SCAI: variants seen among roughly 807,000 people sequenced by gnomAD.
The protein encoded by SCAI is suppressor of cancer cell invasion.
A neutral mutation model predicts 92.2 loss-of-function variants in SCAI; 24 were observed. That is an observed-to-expected ratio of 0.26 (90% confidence interval 0.19 to 0.37). SCAI has a LOEUF of 0.37. Among genes scored for constraint, SCAI ranks in the 10% least tolerant of loss-of-function variants. SCAI has a pLI of 1.00. For synonymous variants in SCAI, 261 were observed against 258.6 expected (o/e 1.01, Z -0.09); for missense variants, 450 against 736.2 (o/e 0.61, Z 4.50).
chr9:125,116,503 A>C (rs1835049725), intron 2 of SCAI, among the ~76,000 whole-genome samples: 1 of 152,154 alleles, frequency 6.6e-6, no homozygotes, highest in Non-Finnish European at 1.5e-5. Context: ...TATAGGATAG[A>C]CTATAACATG....
At chr9:124,993,610 T>C (rs1832179659) in intron 14 of SCAI, among the ~76,000 whole-genome samples, 1 of 151,834 alleles carries the variant, frequency 6.6e-6, no homozygotes, top group African/African-American at 2.4e-5. Context: ...GAAAAGAAAG[T>C]ACACTGCTAA....
At chr9:125,086,330 C>A (rs918287644) in intron 2 of SCAI, among the ~76,000 whole-genome samples, 1 of 152,132 alleles carries the variant, frequency 6.6e-6, no homozygotes, top group African/African-American at 2.4e-5. Flanking sequence ...CTATGGCTGC[C>A]ACTGTTCCAG....
At position 125,018,877 on chromosome 9, in the gene SCAI, G is replaced by C. The variant is rs1832814691; in HGVS notation, c.783C>G (p.Ala261=). Residue 261 remains alanine, a synonymous_variant, in exon 9 of 18, where the codon GCC becomes GCG. Transcript: ENST00000336505. The stretch of plus-strand genomic sequence containing the variant: ...CAATCATGCCCTGTTCCAGCAATGG[G>C]GCTCCTGTTTCAGCAAGGCGATTCG... ...ITSNRLAETG[A]PLLEQGMIVG... is the part of the protein sequence containing the mutation. 1 of 1,613,688 alleles carries C rather than the reference G, an allele frequency of 6.2e-7. No homozygotes were observed. Among genetic ancestry groups the C allele is most frequent in the African/African-American group, 1.3e-5 (1 of 74,854 alleles).
chr9:125,087,064 A>T (rs1197366552), intron 2 of SCAI, among the ~76,000 whole-genome samples: 2 of 152,182 alleles, frequency 1.3e-5, no homozygotes, highest in Admixed American at 6.5e-5. Context: ...GCAAACTAGG[A>T]CATATGGTCA....
chr9:125,056,178 C>CA (rs1833660576), intron 2 of SCAI, among the ~76,000 whole-genome samples, 171 bp from the exon 3 acceptor site: 1 of 152,116 alleles, frequency 6.6e-6, no homozygotes. Context: ...GAAAACAGAT[C>CA]ATCTCAGTCG....
intron 2 of SCAI, among the ~76,000 whole-genome samples, chr9:125,068,687 A>T (rs546917213): frequency 1.3e-5 from 2 of 152,286 alleles, no homozygotes; most frequent in African/African-American, 4.8e-5. Context: ...TTATAAAAAA[A>T]TTAAAAATAA....
chr9:125,091,410 CTTTTTTGCTT>C lies in SCAI; in HGVS notation c.99-35413_99-35404del, dbSNP rs145322773. 0.023 allele frequency among the ~76,000 whole-genome samples: 3,521 copies of C among 152,230 alleles called. 139 individuals are homozygous for C. The highest frequency in any genetic ancestry group is 0.081 in the African/African-American group (3,369 of 41,546). On this transcript the variant is annotated intron_variant, in intron 2 of 17. Transcript: ENST00000336505. This position sits in a 1 kb window ranked among gnomAD's most constrained non-coding sequence, Gnocchi z 4.3. ...AACCTTTCCTGGAACAATGCCGTTT[CTTTTTTGCTT>C]TTTTAATGACCTGTCATTCACTAAG...
chr9:124,964,002 T>C (rs1415337636), intron 17 of SCAI, among the ~76,000 whole-genome samples: 1 of 151,988 alleles, frequency 6.6e-6, no homozygotes, highest in Non-Finnish European at 1.5e-5. Context: ...TTTATGCAAA[T>C]ATGTCATAAT....
At chr9:125,004,113 T>A (rs979153014) in intron 9 of SCAI, among the ~76,000 whole-genome samples, 1 of 151,236 alleles carries the variant, frequency 6.6e-6, no homozygotes, top group Non-Finnish European at 1.5e-5. Context: ...GAGGCGGAGG[T>A]TGCAATGAAC....
chr9:125,115,976 C>T (rs1207821060), intron 2 of SCAI, among the ~76,000 whole-genome samples: 1 of 152,164 alleles, frequency 6.6e-6, no homozygotes, highest in East Asian at 1.9e-4. Context: ...GGGCGGATAA[C>T]CTGAGGTCAG....
chr9:125,109,187 C>T (rs1834881633), intron 2 of SCAI, among the ~76,000 whole-genome samples: 1 of 152,084 alleles, frequency 6.6e-6, no homozygotes, highest in East Asian at 1.9e-4. Flanking sequence ...ATCACCACTC[C>T]CTAATCTCAA....
chr9:125,136,017 T>C (rs1289536550), intron 2 of SCAI, among the ~76,000 whole-genome samples: 1 of 151,250 alleles, frequency 6.6e-6, no homozygotes, highest in Middle Eastern at 3.2e-3. Flanking sequence ...GTCAACTGTT[T>C]TCTAAAATGT....
At chr9:124,982,200 C>T (rs141950676) in intron 14 of SCAI, among the ~76,000 whole-genome samples, 86 of 152,222 alleles carry the variant, frequency 5.6e-4, no homozygotes, top group African/African-American at 1.8e-3. Context: ...TCTGCAATCA[C>T]GACAATCCTG....
intron 2 of SCAI, among the ~76,000 whole-genome samples, chr9:125,064,674 C>T (rs1054667601): frequency 6.6e-5 from 10 of 151,966 alleles, no homozygotes; most frequent in African/African-American, 1.7e-4. Context: ...AGTGAAATCC[C>T]GTCTCTACTA....
intron 14 of SCAI, among the ~76,000 whole-genome samples, chr9:124,982,963 G>C (rs1444534372): frequency 6.6e-6 from 1 of 151,956 alleles, no homozygotes; most frequent in Non-Finnish European, 1.5e-5. Flanking sequence ...GATCAGCCTG[G>C]AGAACATAGC....
chr9:125,069,137 T>G (rs1286833621), intron 2 of SCAI, among the ~76,000 whole-genome samples: 3 of 151,664 alleles, frequency 2.0e-5, no homozygotes, highest in Non-Finnish European at 4.4e-5. Flanking sequence ...AGAATCACTT[T>G]AACCCGAGAG....
chr9:125,121,214 A>G lies in SCAI; in HGVS notation c.98+21419T>C, dbSNP rs959138230. Among the ~76,000 whole-genome samples, 100 of 150,938 alleles carry G rather than the reference A, an allele frequency of 6.6e-4. 4 individuals are homozygous for G. Among genetic ancestry groups the G allele is most frequent in the Admixed American group, 6.3e-3 (95 of 14,972 alleles). ...GTGTCAAATAGTTTCAGCGTGAACA[A>G]GGTAAAGAAAAAGCTAAGCCACCTG... is the stretch of plus-strand genomic sequence containing the variant. On this transcript the variant is annotated intron_variant, in intron 2 of 17. Transcript: ENST00000336505.
chr9:125,069,288 T>C (rs1005778212), intron 2 of SCAI, among the ~76,000 whole-genome samples: 3 of 151,644 alleles, frequency 2.0e-5, no homozygotes, highest in Non-Finnish European at 1.5e-5. Flanking sequence ...GGAAATCACA[T>C]GCTAAGAAAG....
chr9:124,999,314 G>C (rs1832310849), intron 13 of SCAI, among the ~76,000 whole-genome samples: 1 of 151,690 alleles, frequency 6.6e-6, no homozygotes, highest in Non-Finnish European at 1.5e-5. Context: ...TTGAACCCAG[G>C]AGGCAGAGGT....
Sources: gnomAD v4.1 joint callset for allele counts (sites outside exome capture counted in the v4.1 genomes callset) on GRCh38, gnomAD v4.1.1 for gene constraint, Gnocchi (gnomAD v3.1) non-coding constraint, MANE v1.5 for transcripts, NCBI Gene and HGNC (gene_info 2026-07-23, HGNC 2026-07-21) for gene names.